The following PRELID2 variants were observed in gnomAD, a reference collection of about 807,000 sequenced individuals.
PRELID2 encodes PRELI domain-containing protein 2.
In PRELID2, 25 loss-of-function variants were observed where a neutral mutation model predicts 28.4. That is an observed-to-expected ratio of 0.88 (90% CI 0.64 to 1.23). PRELID2 has a LOEUF of 1.23. Among genes scored for constraint, PRELID2 ranks in the 50% most tolerant of loss-of-function variants. PRELID2 has a pLI of 0.00. For synonymous variants in PRELID2, 76 were observed against 71.6 expected, an observed-to-expected ratio of 1.06 and a Z score of -0.31; for missense variants, 201 against 214.4, an observed-to-expected ratio of 0.94 and a Z score of 0.39.
In PRELID2 at chr5:145,657,902, T is replaced by C. The variant is rs567841772; in HGVS notation, n.70+107029A>G. Among the ~76,000 whole-genome samples the C allele has an allele frequency of 2.6e-5, 4 of 152,312 alleles. No individual in the cohort carries two copies. The South Asian group carries it at 6.2e-4, about 24-fold the overall frequency. On this transcript the variant is annotated intron_variant and non_coding_transcript_variant, in intron 1 of 2. Transcript: ENST00000510259. ...TTAAGCATTCCACAGTCACTATCTTTCTGCATCCTCTCAAAATCTCAATAG... is the reference window on the plus strand; with the variant it reads ...TTAAGCATTCCACAGTCACTATCTTCCTGCATCCTCTCAAAATCTCAATAG...
chr5:145,424,579 C>T, the PRELID2 span, among the ~76,000 whole-genome samples: 6 of 152,166 alleles, frequency 3.9e-5, no homozygotes, highest in African/African-American at 1.4e-4. Flanking sequence ...GAGGCAATGC[C>T]TCACCCTGCT....
intron 5 of PRELID2, among the ~76,000 whole-genome samples, 164 bp from the exon 6 acceptor site, chr5:145,765,164 G>A (rs1450615552): frequency 6.6e-6 from 1 of 152,052 alleles, no homozygotes; most frequent in Non-Finnish European, 1.5e-5. Context: ...ATTTTACTCA[G>A]CAATTTCACA....
chr5:145,643,500 T>C (rs1754143691), intron 1 of PRELID2, among the ~76,000 whole-genome samples: 1 of 152,256 alleles, frequency 6.6e-6, no homozygotes, highest in Non-Finnish European at 1.5e-5. Flanking sequence ...GGAATACCTT[T>C]TATTTCTTTC....
Position 145,544,671 on chromosome 5 carries a change from C to T in PRELID2, n.71-71356G>A, listed in dbSNP as rs189766751. 1.5e-3 allele frequency among the ~76,000 whole-genome samples: 227 copies of T among 152,126 alleles called. 2 individuals carry two copies. The highest frequency in any genetic ancestry group is 2.2e-3 in the Admixed American group (34 of 15,252). The stretch of plus-strand genomic sequence containing the variant: ...TGTGGTGGTGTGTGTCTCTTTGGCT[C>T]CCCATAAAATTAAATACAGTTCATT... On this transcript the variant is annotated intron_variant and non_coding_transcript_variant, in intron 1 of 2. Transcript: ENST00000510259.
At chr5:145,328,592 TG>T in the PRELID2 span, among the ~76,000 whole-genome samples, 1 of 152,184 alleles carries the variant, frequency 6.6e-6, no homozygotes, top group Non-Finnish European at 1.5e-5. Context: ...TTTTGAGAAG[TG>T]TCTGTTTATA....
intron 1 of PRELID2, among the ~76,000 whole-genome samples, chr5:145,618,747 A>G (rs1026920888): frequency 2.0e-5 from 3 of 152,148 alleles, no homozygotes; most frequent in Admixed American, 6.5e-5. Context: ...AGAACTCTCA[A>G]GTATATATGC....
chr5:145,464,865 T>G, the PRELID2 span, among the ~76,000 whole-genome samples: 2 of 152,144 alleles, frequency 1.3e-5, no homozygotes, highest in East Asian at 3.9e-4. Context: ...GGATTTAATA[T>G]TTTTAATATT....
chr5:145,473,099 T>C (rs1319527985), intron 2 of PRELID2: 1 of 152,204 alleles, frequency 6.6e-6, no homozygotes, highest in East Asian at 1.9e-4. Context: ...GAGTATAACA[T>C]GGACTTGGTA....
intron 4 of PRELID2, among the ~76,000 whole-genome samples, chr5:145,805,945 A>G (rs1000819506): frequency 5.3e-5 from 8 of 152,204 alleles, no homozygotes; most frequent in African/African-American, 1.7e-4. Context: ...CCATGTATAT[A>G]CCGTTTATAC....
At chr5:145,714,945 T>C (rs1581090512) in intron 1 of PRELID2, among the ~76,000 whole-genome samples, 3 of 152,280 alleles carry the variant, frequency 2.0e-5, no homozygotes, top group South Asian at 4.1e-4. Context: ...TTTACCTACA[T>C]ACTCAATCTA....
At chr5:145,827,333 A>G (rs1755260334) in intron 1 of PRELID2, among the ~76,000 whole-genome samples, 1 of 152,246 alleles carries the variant, frequency 6.6e-6, no homozygotes, top group Non-Finnish European at 1.5e-5. Flanking sequence ...AGACGAAACG[A>G]GTTATAAATT....
At chr5:145,828,230 A>G (rs1300624851) in intron 1 of PRELID2, among the ~76,000 whole-genome samples, 1 of 152,208 alleles carries the variant, frequency 6.6e-6, no homozygotes, top group Non-Finnish European at 1.5e-5. Context: ...GAGTTGTTAT[A>G]AGAATTAAAG....
At chr5:145,638,425 CTTTG>C (rs34084245) in intron 1 of PRELID2, among the ~76,000 whole-genome samples, 10,659 of 152,208 alleles carry the variant, frequency 0.07, 927 homozygotes, top group African/African-American at 0.21. Context: ...AACTCCATTC[CTTTG>C]TTTAATTTTT....
intron 1 of PRELID2, among the ~76,000 whole-genome samples, chr5:145,598,557 T>A (rs1270735272): frequency 6.6e-6 from 1 of 152,198 alleles, no homozygotes; most frequent in East Asian, 1.9e-4. Context: ...AATAAAAGAA[T>A]ACGTAATTTT....
At chr5:145,595,222 T>C (rs571230048) in intron 1 of PRELID2, among the ~76,000 whole-genome samples, 4 of 136,898 alleles carry the variant, frequency 2.9e-5, no homozygotes, top group African/African-American at 1.1e-4. Context: ...CCAGAGTCAA[T>C]AAATGGCACA....
At chr5:145,620,399 T>G (rs1753757787) in intron 1 of PRELID2, among the ~76,000 whole-genome samples, 1 of 152,184 alleles carries the variant, frequency 6.6e-6, no homozygotes, top group South Asian at 2.1e-4. Context: ...CTTTGGACTT[T>G]GGCTGATAAT....
rs1756089286 is a variant in PRELID2, at chr5:145,724,640, T to TATATAC, written n.70+40290_70+40291insGTATAT. ...ATATATATATATATATATATATATATATATATAATGCCTGTAACTTACTTG... is the reference window on the plus strand; with the variant it reads ...ATATATATATATATATATATATATATATATACATATATAATGCCTGTAACTTACTTG... On this transcript the variant is annotated intron_variant and non_coding_transcript_variant, in intron 1 of 2. Transcript: ENST00000510259. 4.1e-5 allele frequency among the ~76,000 whole-genome samples: 5 copies of TATATAC among 121,582 alleles called. No individual in the cohort carries two copies. In the Admixed American group the frequency reaches 4.4e-4, roughly 11 times the overall value. 79.8% of individuals were successfully genotyped at this position (121,582 alleles called of 152,430 possible).
chr5:145,507,348 A>G (rs980632657), intron 1 of PRELID2, among the ~76,000 whole-genome samples: 26 of 152,104 alleles, frequency 1.7e-4, no homozygotes, highest in African/African-American at 6.0e-4. Context: ...ATGGGGGGGA[A>G]AAACTGCAGA....
intron 5 of PRELID2, among the ~76,000 whole-genome samples, chr5:145,771,120 C>A (rs919591617): frequency 6.6e-6 from 1 of 151,964 alleles, no homozygotes; most frequent in African/African-American, 2.4e-5. Context: ...TACAGGTATA[C>A]CCTTTTTTTA....
Sources: allele counts gnomAD v4.1 joint callset (sites outside exome capture counted in the v4.1 genomes callset), GRCh38; gene constraint gnomAD v4.1.1; transcripts MANE v1.5; gene names NCBI Gene and HGNC (gene_info 2026-07-23, HGNC 2026-07-21).